Variants in N4BP2 observed in about 807,000 individuals in gnomAD.
N4BP2 encodes the protein NEDD4-binding protein 2.
In N4BP2, 91 loss-of-function variants were observed where a neutral mutation model predicts 152.8. The observed-to-expected ratio is 0.60, with a 90% CI of 0.50 to 0.71. N4BP2 has a LOEUF of 0.71. Among genes scored for constraint, N4BP2 ranks in the 30% least tolerant of loss-of-function variants. N4BP2 has a pLI of 0.00. For synonymous variants in N4BP2, 646 were observed against 705.3 expected, an observed-to-expected ratio of 0.92 and a Z score of 1.33; for missense variants, 1,923 against 2,059.1, an observed-to-expected ratio of 0.93 and a Z score of 1.28.
chr4:40,103,962 C>CT (rs200903507), intron 4 of N4BP2, among the ~76,000 whole-genome samples: 112 of 149,030 alleles, frequency 7.5e-4, no homozygotes, highest in Middle Eastern at 3.5e-3. Flanking sequence ...TATGCTAGTT[C>CT]TTTTTTTTTT....
At chr4:40,175,999 A>T in the N4BP2 span, among the ~76,000 whole-genome samples, 16 of 150,970 alleles carry the variant, frequency 1.1e-4, no homozygotes, top group African/African-American at 3.4e-4. Context: ...CTGAGCCAGG[A>T]GAATGGCGTG....
Position 40,156,008 on chromosome 4 carries a change from G to A in N4BP2, c.*1771G>A, listed in dbSNP as rs1320711165. 1 of 152,148 alleles carries A rather than the reference G, an allele frequency of 6.6e-6. No homozygotes were observed. Among genetic ancestry groups the A allele is most frequent in the South Asian group, 2.1e-4 (1 of 4,822 alleles). 9.4% of individuals were successfully genotyped at this position (152,148 alleles called of 1,614,324 possible). ...AATGCCAACAGTTTAGCACACTTTT[G>A]TAATCTCTAGAACAGTTCTATACAT... On this transcript the variant is annotated 3_prime_UTR_variant, in exon 18 of 18. Transcript: ENST00000261435.
rs200232013 is a variant in N4BP2, at chr4:40,120,457, T to G, written c.2346T>G (p.His782Gln). Reference sequence around the variant, plus strand: ...CGACTTTGGAAAAGTTCCCAAGACATGAGCTATCAAATTTTGTTGGTGACT... The same window carrying G: ...CGACTTTGGAAAAGTTCCCAAGACAGGAGCTATCAAATTTTGTTGGTGACT... ...SKSTLEKFPR[H>Q]ELSNFVGDWP... The change falls in exon 9 of 18, where the codon CAT (histidine) becomes CAG (glutamine). Residue 782 changes from histidine to glutamine, a missense_variant. His to Gln is a conservative substitution (Grantham distance 24). Transcript: ENST00000261435. 3 of 1,613,834 alleles carry G rather than the reference T, an allele frequency of 1.9e-6. No homozygotes were observed. The highest frequency in any genetic ancestry group is 4.5e-5 in the East Asian group (2 of 44,882).
intron 2 of N4BP2, among the ~76,000 whole-genome samples, chr4:40,085,168 C>G (rs142995005): frequency 0.017 from 2,569 of 152,162 alleles, 87 homozygotes; most frequent in African/African-American, 0.059. Flanking sequence ...GCCTTGGCCT[C>G]CCAAAGTGCT....
Position 40,072,644 on chromosome 4 carries a change from C to G in N4BP2, c.-211-811C>G, listed in dbSNP as rs368059826. ...CTCAGGCAATCCCTCCCTGTACCCCCCCAGGCCTCCCAAAGTAATAGGACT... is the reference window on the plus strand; with the variant it reads ...CTCAGGCAATCCCTCCCTGTACCCCGCCAGGCCTCCCAAAGTAATAGGACT... On this transcript the variant is annotated intron_variant, in intron 1 of 17. Transcript: ENST00000261435. Among the ~76,000 whole-genome samples, 884 of 151,928 alleles carry G rather than the reference C, an allele frequency of 5.8e-3. 8 individuals are homozygous for G. The highest frequency in any genetic ancestry group is 0.021 in the African/African-American group (850 of 41,406).
At chr4:40,079,444 G>A (rs369944820) in intron 2 of N4BP2, among the ~76,000 whole-genome samples, 1 of 143,748 alleles carries the variant, frequency 7.0e-6, no homozygotes, top group Non-Finnish European at 1.5e-5. Flanking sequence ...TTTTTGAAGT[G>A]TTTATTGGTA....
In N4BP2 at chr4:40,075,639, G is replaced by T. The variant is rs182717075; in HGVS notation, c.-115+2088G>T. ...TCTGGAACTCCTGACCTTATGATTC[G>T]CCTGCCTCGGCTTCCCAAAGTGCTG... On this transcript the variant is annotated intron_variant, in intron 2 of 17. Coordinates refer to ENST00000261435, the MANE Select transcript of N4BP2 (RefSeq NM_018177.6). 6.0e-4 allele frequency among the ~76,000 whole-genome samples: 91 copies of T among 152,070 alleles called. 1 individual carries two copies. Among genetic ancestry groups the T allele is most frequent in the African/African-American group, 2.1e-3 (87 of 41,492 alleles).
chr4:40,112,257 C>T (rs891368627), intron 6 of N4BP2, 85 bp downstream of exon 6: 2 of 815,030 alleles, frequency 2.5e-6, no homozygotes, highest in African/African-American at 1.8e-5. Context: ...ATCTGAAGCA[C>T]TTAAGAATCT....
At chr4:40,113,547 C>A (rs759306649) in intron 7 of N4BP2, 39 bp downstream of exon 7, 23 of 1,373,562 alleles carry the variant, frequency 1.7e-5, no homozygotes, top group Non-Finnish European at 2.4e-5. Flanking sequence ...TTTTATGTAA[C>A]GACAGACAGA....
In N4BP2 at chr4:40,136,968, A is replaced by G. The variant is rs376586958; in HGVS notation, c.4671A>G (p.Gln1557=). The G allele has an allele frequency of 3.2e-5, 51 of 1,612,418 alleles. No homozygotes were observed. The Middle Eastern group carries it at 6.6e-4, about 21-fold the overall frequency. Residue 1557 remains glutamine, a synonymous_variant, in exon 14 of 18, where the codon CAA becomes CAG. Coordinates refer to ENST00000261435, the MANE Select transcript of N4BP2 (RefSeq NM_018177.6). ...GCTATTCATTAGAACACACAGTGCAATTTCTTAACTGTGTTCTTGAAGGGG... is the reference window on the plus strand; with the variant it reads ...GCTATTCATTAGAACACACAGTGCAGTTTCTTAACTGTGTTCTTGAAGGGG... ...DHNYSLEHTV[Q]FLNCVLEGDP...
In N4BP2 at chr4:40,109,037, G is replaced by A. The variant is rs868664569; in HGVS notation, c.1498+2013G>A. On this transcript the variant is annotated intron_variant, in intron 5 of 17. Coordinates refer to ENST00000261435, the MANE Select transcript of N4BP2 (RefSeq NM_018177.6). The stretch of plus-strand genomic sequence containing the variant: ...TCACCATGTTGGCCAGGATGGTCTC[G>A]ATCTCTTAACTTTGTGATCCACCTA... 6.6e-5 allele frequency among the ~76,000 whole-genome samples: 10 copies of A among 151,972 alleles called. No homozygotes were observed. The Middle Eastern group carries it at 0.017, about 258-fold the overall frequency.
chr4:40,087,789 G>T lies in N4BP2; in HGVS notation c.-114-9438G>T, dbSNP rs189902879. On this transcript the variant is annotated intron_variant, in intron 2 of 17. Coordinates refer to ENST00000261435, the MANE Select transcript of N4BP2 (RefSeq NM_018177.6). ...ATTTTTTGAGATGGAGTGTCTCTCT[G>T]TTGCCCAGGCTGAATGGCTCGATCT... 2.9e-4 allele frequency among the ~76,000 whole-genome samples: 44 copies of T among 151,362 alleles called. No homozygotes were observed. In the East Asian group the frequency reaches 8.0e-3, roughly 27 times the overall value.
chr4:40,105,345 A>G (rs1716158934), intron 4 of N4BP2, among the ~76,000 whole-genome samples: 1 of 133,114 alleles, frequency 7.5e-6, no homozygotes. Context: ...TTTTTTTTTG[A>G]CAGAGTCTGA....
chr4:40,097,664 C>A, intron 3 of N4BP2, 95 bp downstream of exon 3: 1 of 742,310 alleles, frequency 1.3e-6, no homozygotes, highest in Non-Finnish European at 2.2e-6. Flanking sequence ...TGTCTTGTTT[C>A]TATTTTATTC....
At position 40,156,686 on chromosome 4, in the gene N4BP2, G is replaced by A. The variant is rs889900155; in HGVS notation, c.*2449G>A. On this transcript the variant is annotated 3_prime_UTR_variant, in exon 18 of 18. Transcript: ENST00000261435. ...TCCTGTATGTCAAAGATAGTTTGGA[G>A]ATTATAAAAATTTTCATGTATTGGT... is the stretch of plus-strand genomic sequence containing the variant. The A allele has an allele frequency of 5.3e-5, 8 of 152,078 alleles. No homozygotes were observed. The highest frequency in any genetic ancestry group is 1.0e-4 in the Non-Finnish European group (7 of 67,968). The allele number at this position is 152,078 out of a possible 1,614,324, so 9.4% of individuals were successfully genotyped here. A position where few individuals can be genotyped will look rare whatever the true frequency, so the allele number is the denominator to read the frequency against.
chr4:40,091,487 T>C (rs1343776651), intron 2 of N4BP2, among the ~76,000 whole-genome samples: 1 of 152,140 alleles, frequency 6.6e-6, no homozygotes, highest in East Asian at 1.9e-4. Context: ...CATTATTTTC[T>C]GCATTGATTG....
intron 14 of N4BP2, among the ~76,000 whole-genome samples, chr4:40,138,615 C>T (rs1169971683): frequency 1.3e-5 from 2 of 152,156 alleles, no homozygotes; most frequent in African/African-American, 2.4e-5. Flanking sequence ...TTGATTCTTT[C>T]GCATGTGGAT....
rs1715778649 is a variant in N4BP2, at chr4:40,102,559, C to T, written c.714C>T (p.Asn238=). The T allele has an allele frequency of 6.2e-7, 1 of 1,614,178 alleles. No homozygotes were observed. The highest frequency in any genetic ancestry group is 1.1e-5 in the South Asian group (1 of 91,086). Residue 238 remains asparagine, a synonymous_variant, in exon 4 of 18, where the codon AAC becomes AAT. Transcript: ENST00000261435. ...IKDNTLALES[N]YPEDSLLSSS... ...ATAACACATTGGCTTTGGAAAGTAA[C>T]TACCCGGAAGATTCTCTTCTCAGTA...
chr4:40,174,702 T>G, the N4BP2 span, among the ~76,000 whole-genome samples: 1 of 151,944 alleles, frequency 6.6e-6, no homozygotes, highest in Non-Finnish European at 1.5e-5. Context: ...CTCGGGAGGC[T>G]GGGGCAAGAG....
Sources: allele counts gnomAD v4.1 joint callset (sites outside exome capture counted in the v4.1 genomes callset), GRCh38; gene constraint gnomAD v4.1.1; transcripts MANE v1.5; gene names NCBI Gene and HGNC (gene_info 2026-07-23, HGNC 2026-07-21).